The following MYH14 variants were observed in gnomAD, a reference collection of about 807,000 sequenced individuals.
MYH14 encodes the protein myosin-14.
A neutral mutation model predicts 255.5 loss-of-function variants in MYH14; 123 were observed. The ratio of observed to expected loss-of-function variants is 0.48; its 90% CI spans 0.42 to 0.56. The LOEUF is 0.56. Ranked by LOEUF, MYH14 falls within the 20% of genes least tolerant of loss-of-function variation. The pLI, the probability that MYH14 is intolerant of heterozygous loss-of-function variation, is 0.00. For synonymous variants in MYH14, 1,095 were observed against 1,161.2 expected, an observed-to-expected ratio of 0.94 and a Z score of 1.16; for missense variants, 2,423 against 2,802.3, an observed-to-expected ratio of 0.86 and a Z score of 3.06.
chr19:50,257,485 G>A lies in MYH14; in HGVS notation c.2231G>A (p.Arg744Lys). 1 of 1,598,860 alleles carries A rather than the reference G, an allele frequency of 6.3e-7. No homozygotes were observed. The highest frequency in any genetic ancestry group is 1.1e-5 in the South Asian group (1 of 88,438). ...TGCATTGTCCCCAACCACGAGAAGAGGGTGAGTGACTCAGCCTGGGGAGGA... is the reference window on the plus strand; with the variant it reads ...TGCATTGTCCCCAACCACGAGAAGAAGGTGAGTGACTCAGCCTGGGGAGGA... ...VRCIVPNHEK[R>K]AGKLEPRLVL... Residue 744 changes from arginine to lysine, a missense_variant and splice_region_variant, in exon 18 of 43, where the codon AGG (arginine) becomes AAG (lysine). Transcript: ENST00000642316.
At position 50,249,055 on chromosome 19, in the gene MYH14, C is replaced by T; in HGVS notation, c.1398C>T (p.Arg466=). Residue 466 remains arginine, a synonymous_variant, in exon 13 of 43, where the codon CGC becomes CGT. Coordinates refer to ENST00000642316, the MANE Select transcript of MYH14 (RefSeq NM_001145809.2). The part of the protein sequence containing the change: ...YERLFRWLVL[R]LNRALDRSPR... ...GCCTCTTCCGCTGGCTGGTTCTGCG[C>T]CTCAACCGGGCCTTGGACCGCAGCC... 6.2e-7 allele frequency: 1 copy of T among 1,612,598 alleles called. No homozygotes were observed. Among genetic ancestry groups the T allele is most frequent in the Non-Finnish European group, 8.5e-7 (1 of 1,179,502 alleles).
intron 11 of MYH14, among the ~76,000 whole-genome samples, chr19:50,245,464 A>T: frequency 6.6e-6 from 1 of 150,392 alleles, no homozygotes; most frequent in Non-Finnish European, 1.5e-5. Flanking sequence ...AAGAAGAAAG[A>T]AAGAAAAAGA....
chr19:50,305,025 C>T (rs928954092), intron 40 of MYH14, among the ~76,000 whole-genome samples: 1 of 152,058 alleles, frequency 6.6e-6, no homozygotes, highest in Admixed American at 6.6e-5. Flanking sequence ...AGGCTTGAAG[C>T]ACACAGAGCC....
At chr19:50,291,692 C>T (rs2036081649) in intron 36 of MYH14, among the ~76,000 whole-genome samples, 1 of 151,996 alleles carries the variant, frequency 6.6e-6, no homozygotes, top group South Asian at 2.1e-4. Context: ...TGGTGAAACC[C>T]TGTTTCTACT....
At chr19:50,279,985 C>A (rs2035650694) in intron 30 of MYH14, 52 bp from the exon 31 acceptor site, 4 of 1,331,204 alleles carry the variant, frequency 3.0e-6, no homozygotes, top group Non-Finnish European at 4.2e-6. Context: ...CAGATGGGGT[C>A]ACTGGGTGGA....
chr19:50,225,629 G>A lies in MYH14; in HGVS notation c.762G>A (p.Glu254=), dbSNP rs2033053675. The A allele has an allele frequency of 1.2e-6, 2 of 1,613,804 alleles. No individual in the cohort carries two copies. Among genetic ancestry groups the A allele is most frequent in the African/African-American group, 1.3e-5 (1 of 74,948 alleles). The change falls in exon 7 of 43, where the codon GAG becomes GAA. Residue 254 remains glutamate (E), a synonymous_variant. Coordinates refer to ENST00000642316, the MANE Select transcript of MYH14 (RefSeq NM_001145809.2). ...TGCTTCAGGCCAACCCCATCCTAGA[G>A]GCCTTTGGCAATGCCAAGACAGTGA... The part of the protein sequence containing the change: ...RQLLQANPIL[E]AFGNAKTVKN...
At chr19:50,278,885 G>A (rs1250604302) in intron 30 of MYH14, among the ~76,000 whole-genome samples, 1 of 151,146 alleles carries the variant, frequency 6.6e-6, no homozygotes, top group African/African-American at 2.5e-5. Flanking sequence ...CTACTCGAGA[G>A]GCTGAGGCAG....
At chr19:50,260,242 A>C (rs183179726) in intron 19 of MYH14, among the ~76,000 whole-genome samples, 229 of 152,188 alleles carry the variant, frequency 1.5e-3, no homozygotes, top group African/African-American at 5.0e-3. Context: ...CCTGGCCATC[A>C]TGGAGAAACC....
chr19:50,278,405 C>A, intron 30 of MYH14, 116 bp downstream of exon 30: 1 of 737,230 alleles, frequency 1.4e-6, no homozygotes, highest in Non-Finnish European at 2.1e-6. Context: ...GCTCTTCCAA[C>A]ATAATCATGT....
chr19:50,215,568 C>T (rs1247530321), intron 2 of MYH14, among the ~76,000 whole-genome samples: 1 of 152,130 alleles, frequency 6.6e-6, no homozygotes, highest in East Asian at 1.9e-4. Context: ...GCCTGTAATC[C>T]CAGGCATGCC....
In MYH14 at chr19:50,266,856, A is replaced by C. The variant is rs1600982216; in HGVS notation, c.2695-21A>C. ...CTTGGCGCCTGAAGTCAGCCATTCCACCCCTTTCACCTCCACCTAGGTGAA... is the reference window on the plus strand; with the variant it reads ...CTTGGCGCCTGAAGTCAGCCATTCCCCCCCTTTCACCTCCACCTAGGTGAA... On this transcript the variant is annotated intron_variant, in intron 22 of 42. Transcript: ENST00000642316. This position sits in a 1 kb window ranked among gnomAD's most constrained non-coding sequence, Gnocchi z 4.1. 1.3e-6 allele frequency: 2 copies of C among 1,551,324 alleles called. No homozygotes were observed. Among genetic ancestry groups the C allele is most frequent in the African/African-American group, 2.7e-5 (2 of 73,100 alleles).
At chr19:50,279,367 C>T (rs536015735) in intron 30 of MYH14, among the ~76,000 whole-genome samples, 78 of 152,328 alleles carry the variant, frequency 5.1e-4, no homozygotes, top group African/African-American at 1.7e-3. Context: ...TGCAGTGGCT[C>T]ATGCCTGTAA....
rs933931751 is a variant in MYH14 at position 50,204,996 on chromosome 19, T to A, written c.-4+1325T>A. On this transcript the variant is annotated intron_variant, in intron 1 of 42. Coordinates refer to ENST00000642316, the MANE Select transcript of MYH14 (RefSeq NM_001145809.2). ...TAGGTACTCTTATCACCATGTAGTC[T>A]TTATTTCACTCCCGAGACTGAAGCT... Among the ~76,000 whole-genome samples the A allele has an allele frequency of 3.3e-5, 5 of 152,040 alleles. No individual in the cohort carries two copies. The East Asian group carries it at 9.6e-4, about 29-fold the overall frequency.
At position 50,266,932 on chromosome 19, in the gene MYH14, A is replaced by C. The variant is rs759636037; in HGVS notation, c.2750A>C (p.Gln917Pro). The stretch of plus-strand genomic sequence containing the variant: ...GATGAGGTGCTGCAGGCACGGGCCC[A>C]GGAGCTGCAGAAAGTGCAGGAGCTA... ...RQDEVLQARA[Q>P]ELQKVQELQQ... The change falls in exon 23 of 43, where the codon CAG (glutamine) becomes CCG (proline). Residue 917 changes from glutamine (Q) to proline (P), a missense_variant. This residue lies in a region of MYH14 where 1,513 missense variants were observed against 1,674.8 expected (regional missense o/e 0.90). Transcript: ENST00000642316. This position sits in a 1 kb window ranked among gnomAD's most constrained non-coding sequence, Gnocchi z 4.1. 2 of 1,554,174 alleles carry C rather than the reference A, an allele frequency of 1.3e-6. No individual in the cohort carries two copies. The highest frequency in any genetic ancestry group is 1.7e-6 in the Non-Finnish European group (2 of 1,148,434).
At chr19:50,224,581 A>G (rs1003623793) in intron 6 of MYH14, among the ~76,000 whole-genome samples, 1 of 152,148 alleles carries the variant, frequency 6.6e-6, no homozygotes, top group African/African-American at 2.4e-5. Flanking sequence ...AGATCATTTC[A>G]TCTTAACACA....
rs1226459813 is a variant in MYH14 at position 50,262,238 on chromosome 19, C to T, written c.2585+603C>T. Among the ~76,000 whole-genome samples, 6 of 152,130 alleles carry T rather than the reference C, an allele frequency of 3.9e-5. No homozygotes were observed. The East Asian group carries it at 7.7e-4, about 20-fold the overall frequency. Reference sequence around the variant, plus strand: ...ACGCTTCAGGAATACAGGGAGTTTGCGGGAGAGTCTCCTTCCTCCTTAGAA... The same window carrying T: ...ACGCTTCAGGAATACAGGGAGTTTGTGGGAGAGTCTCCTTCCTCCTTAGAA... On this transcript the variant is annotated intron_variant, in intron 21 of 42. Coordinates refer to ENST00000642316, the MANE Select transcript of MYH14 (RefSeq NM_001145809.2).
intron 20 of MYH14, among the ~76,000 whole-genome samples, chr19:50,260,999 C>G (rs1279481461): frequency 7.1e-6 from 1 of 140,442 alleles, no homozygotes; most frequent in Admixed American, 7.1e-5. Context: ...CGCCCCCACC[C>G]CCGCTTCCTC....
intron 1 of MYH14, among the ~76,000 whole-genome samples, chr19:50,204,670 G>A (rs1368506243): frequency 2.0e-5 from 3 of 152,210 alleles, no homozygotes; most frequent in African/African-American, 7.2e-5. Context: ...GGAAGCGAAA[G>A]AATCGCTTGA....
rs1244510800 is a variant in MYH14, at chr19:50,293,807, A to G, written c.5469+120A>G. 8.8e-7 allele frequency: 1 copy of G among 1,130,906 alleles called. No individual in the cohort carries two copies. The highest frequency in any genetic ancestry group is 2.7e-5 in the Admixed American group (1 of 37,022). 70.1% of individuals were successfully genotyped at this position (1,130,906 alleles called of 1,614,324 possible). A position where few individuals can be genotyped will look rare whatever the true frequency, so the allele number is the denominator to read the frequency against. Reference sequence around the variant, plus strand: ...ATTTGAGTTGGGTTTTGAAGGTTGAATAGGAGTTCTTAAAAGGGTTGAAAG... The same window carrying G: ...ATTTGAGTTGGGTTTTGAAGGTTGAGTAGGAGTTCTTAAAAGGGTTGAAAG... On this transcript the variant is annotated intron_variant, in intron 39 of 42. Transcript: ENST00000642316. The surrounding 1 kb of genome is among the most constrained non-coding windows in gnomAD (Gnocchi z 4.1).
Sources: allele counts gnomAD v4.1 joint callset (sites outside exome capture counted in the v4.1 genomes callset), GRCh38; gene constraint gnomAD v4.1.1; regional missense constraint gnomAD v4.1.1; non-coding constraint Gnocchi (gnomAD v3.1); transcripts MANE v1.5; gene names NCBI Gene and HGNC (gene_info 2026-07-23, HGNC 2026-07-21).